Variants in ARHGAP15 observed in about 807,000 individuals in gnomAD.
ARHGAP15 encodes the protein Rho GTPase activating protein 15, also known as rho GTPase-activating protein 15.
A neutral mutation model predicts 63.7 loss-of-function variants in ARHGAP15; 51 were observed. The ratio of observed to expected loss-of-function variants is 0.80; its 90% CI spans 0.64 to 1.01. The LOEUF is 1.01. Among genes scored for constraint, ARHGAP15 ranks in the 50% least tolerant of loss-of-function variants. ARHGAP15 has a pLI of 0.00. For missense variants in ARHGAP15, 560 were observed against 564.6 expected, an observed-to-expected ratio of 0.99 and a Z score of 0.08; for synonymous variants, 191 against 193.8, an observed-to-expected ratio of 0.99 and a Z score of 0.12.
At chr2:143,513,340 T>C (rs960858312) in intron 9 of ARHGAP15, among the ~76,000 whole-genome samples, 2 of 152,160 alleles carry the variant, frequency 1.3e-5, no homozygotes, top group African/African-American at 4.8e-5. Context: ...AGCAGTGTAC[T>C]TCACCCAGCT....
chr2:143,462,096 G>GTTA (rs1189697721), intron 8 of ARHGAP15, among the ~76,000 whole-genome samples: 2 of 152,104 alleles, frequency 1.3e-5, no homozygotes, highest in African/African-American at 4.8e-5. Context: ...GGAGGCGGAG[G>GTTA]TTACAGTGAG....
intron 10 of ARHGAP15, among the ~76,000 whole-genome samples, chr2:143,550,146 T>A (rs1205152171): frequency 1.3e-5 from 2 of 151,728 alleles, no homozygotes; most frequent in African/African-American, 2.4e-5. Flanking sequence ...TAAAGAGAAA[T>A]TTTTTTTTAA....
intron 9 of ARHGAP15, among the ~76,000 whole-genome samples, chr2:143,517,374 C>T (rs1415509927): frequency 2.0e-5 from 3 of 152,136 alleles, no homozygotes; most frequent in African/African-American, 7.2e-5. Flanking sequence ...TCTCTACACT[C>T]GATTTTGAGT....
In ARHGAP15 at chr2:143,767,977, C is replaced by G; in HGVS notation, c.1245-12C>G. 6.3e-7 allele frequency: 1 copy of G among 1,594,156 alleles called. No individual in the cohort carries two copies. The highest frequency in any genetic ancestry group is 8.5e-7 in the Non-Finnish European group (1 of 1,172,474). ...CTCCAGTGAAATTATTTTTTTTTCT[C>G]TCTCTCCACAGGATAGTGGCCAAAG... is the stretch of plus-strand genomic sequence containing the variant. On this transcript the variant is annotated splice_polypyrimidine_tract_variant and intron_variant, in intron 13 of 13. Coordinates refer to ENST00000295095, the MANE Select transcript of ARHGAP15 (RefSeq NM_018460.4).
chr2:143,462,064 G>T (rs1574481753), intron 8 of ARHGAP15, among the ~76,000 whole-genome samples: 1 of 152,122 alleles, frequency 6.6e-6, no homozygotes, highest in East Asian at 1.9e-4. Context: ...GGAGGCTGAG[G>T]TGGGAGGATG....
chr2:143,189,790 G>A lies in ARHGAP15; in HGVS notation c.166-12344G>A, dbSNP rs954802670. 1.3e-4 allele frequency among the ~76,000 whole-genome samples: 19 copies of A among 151,952 alleles called. 1 individual carries two copies. The highest frequency in any genetic ancestry group is 2.5e-4 in the Non-Finnish European group (17 of 67,964). ...ATCTTTTCTTTCTACTCGTGTGTTCGCTTTTCCTGATATTTTTGGGTTAGC... is the reference window on the plus strand; with the variant it reads ...ATCTTTTCTTTCTACTCGTGTGTTCACTTTTCCTGATATTTTTGGGTTAGC... On this transcript the variant is annotated intron_variant, in intron 2 of 13. Transcript: ENST00000295095.
chr2:143,447,548 A>G (rs1179314102), intron 8 of ARHGAP15, among the ~76,000 whole-genome samples: 2 of 152,140 alleles, frequency 1.3e-5, no homozygotes, highest in Non-Finnish European at 2.9e-5. Flanking sequence ...TAGCTGACCT[A>G]GCTTCAGTCA....
chr2:143,351,999 A>G (rs1203027246), intron 6 of ARHGAP15, among the ~76,000 whole-genome samples: 1 of 152,200 alleles, frequency 6.6e-6, no homozygotes, highest in Non-Finnish European at 1.5e-5. Flanking sequence ...ATCTTGGACT[A>G]AATCATAAGA....
At chr2:143,371,182 G>A (rs984390539) in intron 6 of ARHGAP15, among the ~76,000 whole-genome samples, 5 of 152,076 alleles carry the variant, frequency 3.3e-5, no homozygotes, top group Non-Finnish European at 5.9e-5. Flanking sequence ...TTTAAGTTCC[G>A]GGATACATGT....
chr2:143,504,009 T>C (rs957504352), intron 9 of ARHGAP15, among the ~76,000 whole-genome samples: 1 of 152,156 alleles, frequency 6.6e-6, no homozygotes, highest in African/African-American at 2.4e-5. Flanking sequence ...TGGAAAAGTG[T>C]GGGAAAGATT....
intron 12 of ARHGAP15, among the ~76,000 whole-genome samples, chr2:143,695,673 G>C (rs1683811508): frequency 1.3e-5 from 2 of 152,090 alleles, no homozygotes; most frequent in Non-Finnish European, 2.9e-5. Flanking sequence ...TTCAAGATCA[G>C]ACTGGGCAAC....
At chr2:143,355,766 T>C (rs1310307673) in intron 6 of ARHGAP15, among the ~76,000 whole-genome samples, 1 of 152,150 alleles carries the variant, frequency 6.6e-6, no homozygotes, top group African/African-American at 2.4e-5. Flanking sequence ...TTATGTTTGG[T>C]TATGGGCACA....
chr2:143,577,440 G>A (rs756802997), intron 11 of ARHGAP15, among the ~76,000 whole-genome samples: 14 of 152,052 alleles, frequency 9.2e-5, no homozygotes, highest in Admixed American at 5.9e-4. Context: ...AAAAACCAAA[G>A]GATTTTTTTC....
chr2:143,130,674 G>A (rs1440693757), intron 1 of ARHGAP15, among the ~76,000 whole-genome samples: 1 of 152,102 alleles, frequency 6.6e-6, no homozygotes, highest in African/African-American at 2.4e-5. Context: ...CAATACTGAA[G>A]CTAGCTACTT....
chr2:143,768,317 T>A lies in ARHGAP15; in HGVS notation c.*145T>A. 1.3e-6 allele frequency: 1 copy of A among 778,424 alleles called. No homozygotes were observed. Among genetic ancestry groups the A allele is most frequent in the Non-Finnish European group, 2.0e-6 (1 of 493,488 alleles). 48.2% of individuals were successfully genotyped at this position (778,424 alleles called of 1,614,324 possible). A position where few individuals can be genotyped will look rare whatever the true frequency, so the allele number is the denominator to read the frequency against. ...GAAAACTTAATGATGATTTTGTGTT[T>A]AAGTTCCAAACATTTGAATAAAATA... On this transcript the variant is annotated 3_prime_UTR_variant, in exon 14 of 14. Transcript: ENST00000295095.
chr2:143,197,344 ATAAT>A (rs920711181), intron 2 of ARHGAP15, among the ~76,000 whole-genome samples: 2 of 151,976 alleles, frequency 1.3e-5, no homozygotes. Context: ...ATGTCCCATA[ATAAT>A]TTGTAAAATT....
At chr2:143,345,490 T>C (rs1280395787) in intron 6 of ARHGAP15, among the ~76,000 whole-genome samples, 1 of 152,080 alleles carries the variant, frequency 6.6e-6, no homozygotes, top group Non-Finnish European at 1.5e-5. Flanking sequence ...CCCTAAAATA[T>C]AATTTTAATA....
chr2:143,348,448 G>T (rs1228405204), intron 6 of ARHGAP15, among the ~76,000 whole-genome samples: 1 of 151,810 alleles, frequency 6.6e-6, no homozygotes, highest in Non-Finnish European at 1.5e-5. Flanking sequence ...AATTGCACTT[G>T]CCTATTTTCA....
intron 8 of ARHGAP15, among the ~76,000 whole-genome samples, chr2:143,452,482 G>T (rs185904602): frequency 2.6e-5 from 4 of 151,788 alleles, no homozygotes; most frequent in Admixed American, 1.3e-4. Flanking sequence ...TGGATTGGGC[G>T]CATTAACACT....
Sources: allele counts gnomAD v4.1 joint callset (sites outside exome capture counted in the v4.1 genomes callset), GRCh38; gene constraint gnomAD v4.1.1; transcripts MANE v1.5; gene names NCBI Gene and HGNC (gene_info 2026-07-23, HGNC 2026-07-21).